The following COL5A1 variants were observed in gnomAD, a reference collection of about 807,000 sequenced individuals.
COL5A1 encodes the protein collagen type V alpha 1 chain, also known as collagen alpha-1(V) chain.
COL5A1 carries 16 observed loss-of-function variants against 263.7 expected under a neutral mutation model. The ratio of observed to expected loss-of-function variants is 0.06; its 90% confidence interval spans 0.04 to 0.09. The LOEUF (loss-of-function observed/expected upper bound fraction) is 0.09, where lower values mean the gene tolerates loss of function less well. Ranked by LOEUF, COL5A1 falls within the 10% of genes least tolerant of loss-of-function variation. The pLI is 1.00. For missense variants in COL5A1, 2,036 were observed against 2,540.5 expected (o/e 0.80, Z 4.27); for synonymous variants, 1,012 against 1,004.5 (o/e 1.01, Z -0.14).
chr9:134,723,506 C>T (rs1392806047), intron 4 of COL5A1, among the ~76,000 whole-genome samples: 2 of 152,222 alleles, frequency 1.3e-5, no homozygotes, highest in African/African-American at 2.4e-5. Context: ...CACATAGGCT[C>T]CAGGTCCTGG....
chr9:134,790,587 CATCT>C (rs1203824904), intron 32 of COL5A1, among the ~76,000 whole-genome samples: 6 of 94,026 alleles, frequency 6.4e-5, no homozygotes, highest in African/African-American at 9.5e-5. Context: ...TCCATCCATC[CATCT>C]ATCCATCCAC....
In COL5A1 at chr9:134,824,635, C is replaced by G. The variant is rs1216320124; in HGVS notation, c.4734C>G (p.Ile1578Met). Residue 1578 changes from isoleucine (I) to methionine (M), a missense_variant, in exon 62 of 66, where the codon ATC (isoleucine) becomes ATG (methionine). Ile to Met is a conservative substitution (Grantham distance 10, BLOSUM62 1). Around this residue, in one of 3 missense-constraint regions of COL5A1, gnomAD observed 358 missense variants for 384.6 expected, o/e 0.93. Transcript: ENST00000371817. ...GAGAGGTCATCCAGCCCCTGCCAATCCAGGCATCCAGGACGCGGCGGAACA... is the reference window on the plus strand; with the variant it reads ...GAGAGGTCATCCAGCCCCTGCCAATGCAGGCATCCAGGACGCGGCGGAACA... Reference protein sequence around the residue: ...PPGEVIQPLPIQASRTRRNID... With the variant: ...PPGEVIQPLPMQASRTRRNID... 2 of 1,614,184 alleles carry G rather than the reference C, an allele frequency of 1.2e-6. No homozygotes were observed. The highest frequency in any genetic ancestry group is 1.7e-6 in the Non-Finnish European group (2 of 1,180,044).
At position 134,652,605 on chromosome 9, in the gene COL5A1, C is replaced by T; in HGVS notation, c.109+10309C>T. Reference sequence around the variant, plus strand: ...GGGAGTCCGAGGATGCTGCTCTGCACCCCACAGTGCACGGGACAGCCCCCA... The same window carrying T: ...GGGAGTCCGAGGATGCTGCTCTGCATCCCACAGTGCACGGGACAGCCCCCA... On this transcript the variant is annotated intron_variant, in intron 1 of 65. Transcript: ENST00000371817. This position sits in a 1 kb window ranked among gnomAD's most constrained non-coding sequence, Gnocchi z 4.4. 2.2e-6 allele frequency: 1 copy of T among 448,064 alleles called. No individual in the cohort carries two copies. Among genetic ancestry groups the T allele is most frequent in the East Asian group, 7.2e-5 (1 of 13,816 alleles). 27.8% of individuals were successfully genotyped at this position (448,064 alleles called of 1,614,324 possible). A position where few individuals can be genotyped will look rare whatever the true frequency, so the allele number is the denominator to read the frequency against.
At chr9:134,760,988 C>T (rs1274939184) in intron 18 of COL5A1, among the ~76,000 whole-genome samples, 1 of 115,048 alleles carries the variant, frequency 8.7e-6, no homozygotes, top group East Asian at 3.7e-4. Flanking sequence ...CACCCCGATA[C>T]ACACATACAC....
At chr9:134,810,332 C>T (rs564317289) in intron 44 of COL5A1, 24 bp downstream of exon 44, 22 of 1,611,778 alleles carry the variant, frequency 1.4e-5, no homozygotes, top group African/African-American at 2.7e-5. Context: ...CGGGGGCGCG[C>T]GGCAGCCCCC....
In COL5A1 at chr9:134,829,587, C is replaced by CCTCCAGT. The variant is rs1472250908; in HGVS notation, c.5068-385_5068-384insAGTCTCC. Among the ~76,000 whole-genome samples the CCTCCAGT allele has an allele frequency of 2.9e-3, 410 of 142,286 alleles. 23 individuals are homozygous for CCTCCAGT. Among genetic ancestry groups the CCTCCAGT allele is most frequent in the African/African-American group, 0.01 (375 of 37,046 alleles). The allele number at this position is 142,286 out of a possible 152,430, so 93.3% of individuals were successfully genotyped here. A position where few individuals can be genotyped will look rare whatever the true frequency, so the allele number is the denominator to read the frequency against. ...GGCCCAGGCCGGGCTCCTCACGTGGCCTCCCTAAGGGCCGGGGCCAGGCTC... is the reference window on the plus strand; with the variant it reads ...GGCCCAGGCCGGGCTCCTCACGTGGCCTCCAGTCTCCCTAAGGGCCGGGGCCAGGCTC... On this transcript the variant is annotated intron_variant, in intron 63 of 65. Transcript: ENST00000371817.
At chr9:134,831,488 C>T (rs958854510) in intron 64 of COL5A1, among the ~76,000 whole-genome samples, 14 of 152,214 alleles carry the variant, frequency 9.2e-5, no homozygotes, top group South Asian at 2.1e-4. Context: ...CTGAAACACC[C>T]GGGGACAGGG....
chr9:134,689,035 GCA>G (rs1445030193), intron 1 of COL5A1, among the ~76,000 whole-genome samples: 1 of 152,210 alleles, frequency 6.6e-6, no homozygotes, highest in Non-Finnish European at 1.5e-5. Context: ...TGCGCACCAA[GCA>G]CAGTGCCCGC....
rs1836991971 is a variant in COL5A1, at chr9:134,774,763, A to C, written c.2332-96A>C. On this transcript the variant is annotated intron_variant, in intron 26 of 65. Coordinates refer to ENST00000371817, the MANE Select transcript of COL5A1 (RefSeq NM_000093.5). ...GAGCTGGGATGTTCGCCCTGCTCTCAGCAGGAGGGGTATGCCGAACTCTGG... is the reference window on the plus strand; with the variant it reads ...GAGCTGGGATGTTCGCCCTGCTCTCCGCAGGAGGGGTATGCCGAACTCTGG... 3.8e-6 allele frequency: 5 copies of C among 1,299,022 alleles called. No individual in the cohort carries two copies. The South Asian group carries it at 6.3e-5, about 16-fold the overall frequency. The allele number at this position is 1,299,022 out of a possible 1,614,324, so 80.5% of individuals were successfully genotyped here. A position where few individuals can be genotyped will look rare whatever the true frequency, so the allele number is the denominator to read the frequency against.
At chr9:134,810,727 C>T (rs1324164411) in intron 44 of COL5A1, among the ~76,000 whole-genome samples, 1 of 152,190 alleles carries the variant, frequency 6.6e-6, no homozygotes, top group African/African-American at 2.4e-5. Context: ...CTTGCAAAAA[C>T]CCCATGACTC....
intron 28 of COL5A1, among the ~76,000 whole-genome samples, chr9:134,780,903 C>T (rs1386119271): frequency 6.6e-6 from 1 of 152,264 alleles, no homozygotes; most frequent in Non-Finnish European, 1.5e-5. Flanking sequence ...GCCTCACGCT[C>T]TGTTGTGGGT....
At chr9:134,791,554 G>T (rs749026983) in intron 32 of COL5A1, among the ~76,000 whole-genome samples, 1 of 151,690 alleles carries the variant, frequency 6.6e-6, no homozygotes, top group Non-Finnish European at 1.5e-5. Flanking sequence ...TGATCTAGTA[G>T]GTTGGGCTTC....
intron 63 of COL5A1, among the ~76,000 whole-genome samples, chr9:134,828,368 C>G (rs1839381974): frequency 6.6e-6 from 1 of 152,108 alleles, no homozygotes; most frequent in South Asian, 2.1e-4. Flanking sequence ...GCTGGCTGCA[C>G]ATGATCCAGG....
chr9:134,747,296 C>CG (rs371367240), intron 11 of COL5A1, among the ~76,000 whole-genome samples: 79 of 152,286 alleles, frequency 5.2e-4, no homozygotes, highest in Middle Eastern at 3.4e-3. Context: ...TTTTCACCAC[C>CG]GTGGCTTAGA....
At chr9:134,646,617 A>C (rs1038986710) in intron 1 of COL5A1, among the ~76,000 whole-genome samples, 2 of 152,060 alleles carry the variant, frequency 1.3e-5, no homozygotes, top group African/African-American at 4.8e-5. Flanking sequence ...CAGCTTCCTT[A>C]ACCCTTTCTC....
chr9:134,766,951 A>T, intron 22 of COL5A1, 49 bp from the exon 23 acceptor site: 1 of 1,548,272 alleles, frequency 6.5e-7, no homozygotes, highest in Non-Finnish European at 8.9e-7. Context: ...CAGGAAGGGG[A>T]TACAGTTCCC....
intron 35 of COL5A1, 83 bp downstream of exon 35, chr9:134,796,501 G>C: frequency 6.9e-7 from 1 of 1,440,404 alleles, no homozygotes; most frequent in Middle Eastern, 1.7e-4. Context: ...GGGGTGGGCT[G>C]GGGCCAGGGA....
At chr9:134,822,351 G>A (rs1282931276) in intron 59 of COL5A1, among the ~76,000 whole-genome samples, 3 of 152,208 alleles carry the variant, frequency 2.0e-5, no homozygotes, top group African/African-American at 7.2e-5. Flanking sequence ...GCCCGGCCAT[G>A]GTTTTTGGTG....
intron 46 of COL5A1, 57 bp from the exon 47 acceptor site, chr9:134,812,368 GGTGGAGGTCGTGAAAGCTGTGTGT>G (rs1216427483): frequency 7.0e-6 from 10 of 1,426,358 alleles, no homozygotes; most frequent in Non-Finnish European, 6.9e-6. Context: ...GTGCTGTGTG[GGTGGAGGTCGTGAAAGCTGTGTGT>G]GTGTTTGACA....
Sources: allele counts gnomAD v4.1 joint callset (sites outside exome capture counted in the v4.1 genomes callset), GRCh38; gene constraint gnomAD v4.1.1; regional missense constraint gnomAD v4.1.1; non-coding constraint Gnocchi (gnomAD v3.1); transcripts MANE v1.5; gene names NCBI Gene and HGNC (gene_info 2026-07-23, HGNC 2026-07-21).